The following LRMDA variants were observed in gnomAD, a reference collection of about 807,000 sequenced individuals.
LRMDA encodes the protein leucine rich melanocyte differentiation associated.
In LRMDA, 18 loss-of-function variants were observed where a neutral mutation model predicts 29.8. The ratio of observed to expected loss-of-function variants is 0.60; its 90% CI spans 0.42 to 0.90. The LOEUF (loss-of-function observed/expected upper bound fraction) is 0.90. Ranked by LOEUF, LRMDA falls within the 40% of genes least tolerant of loss-of-function variation. The pLI is 0.00. For missense variants in LRMDA, 273 were observed against 273.9 expected, an observed-to-expected ratio of 1.00 and a Z score of 0.02; for synonymous variants, 125 against 109.4, an observed-to-expected ratio of 1.14 and a Z score of -0.89.
chr10:75,648,407 G>T (rs753027285), intron 2 of LRMDA, among the ~76,000 whole-genome samples: 6 of 152,108 alleles, frequency 3.9e-5, no homozygotes, highest in Non-Finnish European at 7.4e-5. Context: ...GAAAACCCGG[G>T]AAAAGTGTTT....
chr10:75,758,473 C>T (rs1280684107), intron 2 of LRMDA, among the ~76,000 whole-genome samples: 1 of 152,208 alleles, frequency 6.6e-6, no homozygotes, highest in Non-Finnish European at 1.5e-5. Flanking sequence ...CAGCGTTGCT[C>T]AGTCCCCTCA....
intron 2 of LRMDA, among the ~76,000 whole-genome samples, chr10:75,863,268 A>G (rs1844963038): frequency 6.6e-6 from 1 of 152,120 alleles, no homozygotes; most frequent in African/African-American, 2.4e-5. Context: ...TATTGATCGG[A>G]ATTTACATGT....
intron 5 of LRMDA, among the ~76,000 whole-genome samples, chr10:76,192,431 G>A (rs765938809): frequency 1.3e-5 from 2 of 152,122 alleles, no homozygotes; most frequent in Admixed American, 6.6e-5. Flanking sequence ...AAAGGCCTGC[G>A]ACTAGTCAAC....
chr10:75,513,955 G>A (rs988224708), intron 2 of LRMDA, among the ~76,000 whole-genome samples: 1 of 152,214 alleles, frequency 6.6e-6, no homozygotes, highest in African/African-American at 2.4e-5. Flanking sequence ...TGGTAGGCAA[G>A]AAGACATCAG....
intron 6 of LRMDA, among the ~76,000 whole-genome samples, chr10:76,385,578 C>T (rs781261751): frequency 1.3e-5 from 2 of 152,076 alleles, no homozygotes; most frequent in South Asian, 2.1e-4. Flanking sequence ...TCTTGTGTCC[C>T]GAATCTCTTT....
chr10:76,111,015 C>T (rs994069944), intron 5 of LRMDA, among the ~76,000 whole-genome samples: 9 of 152,160 alleles, frequency 5.9e-5, no homozygotes, highest in African/African-American at 1.7e-4. Flanking sequence ...CCATCCACAA[C>T]GGGCCTTTGT....
At chr10:76,259,974 T>A (rs1471224035) in intron 5 of LRMDA, among the ~76,000 whole-genome samples, 1 of 152,104 alleles carries the variant, frequency 6.6e-6, no homozygotes, top group Non-Finnish European at 1.5e-5. Context: ...TGTCTTTACA[T>A]GTGAGGTGAG....
intron 2 of LRMDA, among the ~76,000 whole-genome samples, chr10:75,515,578 C>G (rs1845279224): frequency 1.3e-5 from 2 of 152,068 alleles, no homozygotes; most frequent in Non-Finnish European, 2.9e-5. Context: ...CAGGGTCTTG[C>G]TATGTTGCCC....
At chr10:75,680,378 A>G (rs930467081) in intron 2 of LRMDA, among the ~76,000 whole-genome samples, 2 of 152,212 alleles carry the variant, frequency 1.3e-5, no homozygotes, top group African/African-American at 4.8e-5. Context: ...GGGGGGATGG[A>G]TAAAAGGGAG....
At chr10:76,196,623 C>T (rs547763623) in intron 5 of LRMDA, among the ~76,000 whole-genome samples, 1 of 152,214 alleles carries the variant, frequency 6.6e-6, no homozygotes, top group Non-Finnish European at 1.5e-5. Context: ...CCAGATCCCC[C>T]CTCCATCCCA....
At chr10:75,858,937 C>T (rs188699096) in intron 2 of LRMDA, among the ~76,000 whole-genome samples, 3 of 152,324 alleles carry the variant, frequency 2.0e-5, no homozygotes, top group East Asian at 1.9e-4. Context: ...GCCACAGGCA[C>T]GTTTATTTAT....
intron 5 of LRMDA, among the ~76,000 whole-genome samples, chr10:76,311,651 G>A (rs983350675): frequency 4.6e-5 from 7 of 152,188 alleles, no homozygotes; most frequent in East Asian, 3.9e-4. Context: ...TTTCCAAAGC[G>A]GCTTTTAATA....
chr10:76,195,257 G>T (rs951864026), intron 5 of LRMDA, among the ~76,000 whole-genome samples: 1 of 152,192 alleles, frequency 6.6e-6, no homozygotes, highest in African/African-American at 2.4e-5. Context: ...GTTCTGGTGG[G>T]CAGAATGGGG....
At chr10:75,762,844 A>T (rs1843115448) in intron 2 of LRMDA, among the ~76,000 whole-genome samples, 1 of 152,128 alleles carries the variant, frequency 6.6e-6, no homozygotes, top group Non-Finnish European at 1.5e-5. Context: ...TCATAATGAG[A>T]TTTATCACAG....
intron 5 of LRMDA, among the ~76,000 whole-genome samples, chr10:76,202,462 C>T (rs1851450894): frequency 6.6e-6 from 1 of 152,098 alleles, no homozygotes; most frequent in African/African-American, 2.4e-5. Context: ...CATGTAACTT[C>T]TCCTTGTCAG....
intron 2 of LRMDA, among the ~76,000 whole-genome samples, chr10:75,741,450 G>T (rs184781188): frequency 1.3e-5 from 2 of 151,842 alleles, no homozygotes; most frequent in Admixed American, 1.3e-4. Context: ...AAAAAAAAAG[G>T]CTCACATGAT....
At chr10:76,265,849 G>A (rs1041889424) in intron 5 of LRMDA, among the ~76,000 whole-genome samples, 2 of 152,188 alleles carry the variant, frequency 1.3e-5, no homozygotes, top group Non-Finnish European at 2.9e-5. Context: ...ATTTGGGTGA[G>A]GGATAGTATT....
In LRMDA at chr10:75,838,322, T is replaced by C. The variant is rs117792710; in HGVS notation, c.132-197686T>C. ...CAAATCCAGAGAAAAATGTATTGTGTATCGTCTTATGAAATATAATTTCCA... is the reference window on the plus strand; with the variant it reads ...CAAATCCAGAGAAAAATGTATTGTGCATCGTCTTATGAAATATAATTTCCA... On this transcript the variant is annotated intron_variant, in intron 2 of 6. Transcript: ENST00000611255. 8.3e-3 allele frequency among the ~76,000 whole-genome samples: 1,260 copies of C among 152,340 alleles called. 10 individuals carry two copies. The highest frequency in any genetic ancestry group is 0.011 in the Non-Finnish European group (761 of 68,032).
At chr10:76,017,724 G>A (rs188497655) in intron 2 of LRMDA, among the ~76,000 whole-genome samples, 255 of 152,262 alleles carry the variant, frequency 1.7e-3, no homozygotes, top group African/African-American at 3.5e-3. Flanking sequence ...CTACACTCAG[G>A]CAGCTGTGTT....
Sources: gnomAD v4.1 joint callset for allele counts (sites outside exome capture counted in the v4.1 genomes callset) on GRCh38, gnomAD v4.1.1 for gene constraint, MANE v1.5 for transcripts, NCBI Gene and HGNC (gene_info 2026-07-23, HGNC 2026-07-21) for gene names.